The following SMG1 variants were observed in gnomAD, a reference collection of about 807,000 sequenced individuals.
The protein encoded by SMG1 is serine/threonine-protein kinase SMG1.
Under a neutral mutation model 419.9 loss-of-function variants are expected in SMG1, and 22 were observed. That is an observed-to-expected ratio of 0.05 (90% CI 0.04 to 0.07). The LOEUF (loss-of-function observed/expected upper bound fraction) is 0.07. Among genes scored for constraint, SMG1 ranks in the 10% least tolerant of loss-of-function variants. The pLI is 1.00. For synonymous variants in SMG1, 1,538 were observed against 1,553.5 expected (o/e 0.99, Z 0.23); for missense variants, 3,185 against 4,342.0 (o/e 0.73, Z 7.49).
chr16:18,891,135 T>A (rs532543848), intron 4 of SMG1, among the ~76,000 whole-genome samples: 1 of 152,322 alleles, frequency 6.6e-6, no homozygotes, highest in African/African-American at 2.4e-5. Context: ...AGAGCTGTGA[T>A]CATCAACAAA....
chr16:18,828,208 A>T (rs769722384), intron 54 of SMG1, 40 bp from the exon 55 acceptor site: 7 of 1,596,440 alleles, frequency 4.4e-6, no homozygotes, highest in East Asian at 2.2e-5. Context: ...TCAGCAGGAA[A>T]AAAGCGTTTA....
intron 6 of SMG1, among the ~76,000 whole-genome samples, chr16:18,886,284 A>C (rs2036607913): frequency 6.6e-6 from 1 of 152,198 alleles, no homozygotes; most frequent in Non-Finnish European, 1.5e-5. Flanking sequence ...TATTAAAATT[A>C]AAGAAGATCA....
At chr16:18,830,153 T>C (rs2033067221) in intron 52 of SMG1, 38 bp from the exon 53 acceptor site, 1 of 1,605,552 alleles carries the variant, frequency 6.2e-7, no homozygotes, top group Non-Finnish European at 8.5e-7. Flanking sequence ...ATTTCTCCAC[T>C]CTTGACACAA....
rs1185869358 is a variant in SMG1, at chr16:18,870,845, ACTGCTG to A, written c.2340_2345del (p.Ser781_Ser782del). The stretch of plus-strand genomic sequence containing the variant: ...GCAAGGAAGAGGACAGAGCATGTAG[ACTGCTG>A]CATGCCTGCAGACAGATATTCACAT... On this transcript the variant is annotated inframe_deletion, in exon 17 of 63. Transcript: ENST00000446231. The A allele has an allele frequency of 6.3e-7, 1 of 1,588,110 alleles. No individual in the cohort carries two copies. The highest frequency in any genetic ancestry group is 8.6e-7 in the Non-Finnish European group (1 of 1,166,824).
At chr16:18,862,463 C>T (rs544775960) in intron 25 of SMG1, among the ~76,000 whole-genome samples, 3 of 152,348 alleles carry the variant, frequency 2.0e-5, no homozygotes, top group African/African-American at 7.2e-5. Context: ...ATCTCTCAAG[C>T]TTAGACTTTC....
chr16:18,876,273 G>A lies in SMG1; in HGVS notation c.1741C>T (p.His581Tyr). The change falls in exon 13 of 63, where the codon CAC becomes TAC. Residue 581 changes from histidine (H) to tyrosine (Y), a missense_variant. Physicochemically the swap from His to Tyr is moderately conservative, Grantham distance 83. Around this residue, in one of 27 missense-constraint regions of SMG1, gnomAD observed 297 missense variants for 491.0 expected, o/e 0.60. Coordinates refer to ENST00000446231, the MANE Select transcript of SMG1 (RefSeq NM_015092.5). ...CAGGCCTCAGGAAGTTGTAGACTGT[G>A]TAGGAGGTTGTTTAGGGCACAAGTC... ...EMTCALNNLL[H>Y]SLQLPEACSE... 1.2e-6 allele frequency: 2 copies of A among 1,611,758 alleles called. No homozygotes were observed. Among genetic ancestry groups the A allele is most frequent in the Admixed American group, 1.7e-5 (1 of 60,018 alleles).
intron 9 of SMG1, among the ~76,000 whole-genome samples, chr16:18,883,287 G>C (rs1891864340): frequency 6.6e-6 from 1 of 152,224 alleles, no homozygotes; most frequent in Non-Finnish European, 1.5e-5. Flanking sequence ...AGAGGCTTCA[G>C]CAGCGCTCTT....
intron 33 of SMG1, among the ~76,000 whole-genome samples, chr16:18,851,355 C>A (rs541580115): frequency 1.3e-5 from 2 of 152,322 alleles, no homozygotes; most frequent in African/African-American, 4.8e-5. Context: ...CCATTTTCAA[C>A]ACTGGCTGCA....
At position 18,896,208 on chromosome 16, in the gene SMG1, C is replaced by T. The variant is rs1200317061; in HGVS notation, c.257-1G>A. On this transcript the variant is annotated splice_acceptor_variant, in intron 2 of 62. Transcript: ENST00000446231. LOFTEE classifies it high-confidence loss of function. ...GATCCTCCATTGACACTGTAGCCAC[C>T]TACAAACAGCAATGTGTACGTTATT... 7.4e-7 allele frequency: 1 copy of T among 1,359,862 alleles called. No individual in the cohort carries two copies. The highest frequency in any genetic ancestry group is 1.1e-6 in the Non-Finnish European group (1 of 950,912). The allele number at this position is 1,359,862 out of a possible 1,614,324, so 84.2% of individuals were successfully genotyped here.
intron 27 of SMG1, 114 bp from the exon 28 acceptor site, chr16:18,859,295 G>A (rs188161638): frequency 0.024 from 17,359 of 732,682 alleles, 302 homozygotes; most frequent in Non-Finnish European, 0.03. Flanking sequence ...GGGGCAGTAA[G>A]AGGAGCAGCC....
chr16:18,833,189 C>T (rs1435307341), intron 50 of SMG1, 23 bp from the exon 51 acceptor site: 3 of 1,594,944 alleles, frequency 1.9e-6, no homozygotes, highest in Admixed American at 3.4e-5. Context: ...GAGAAAAAAA[C>T]TTTTAATGTT....
chr16:18,836,544 G>A lies in SMG1; in HGVS notation c.7605-12C>T, dbSNP rs746326954. The A allele has an allele frequency of 6.2e-6, 10 of 1,609,638 alleles. No individual in the cohort carries two copies. In the African/African-American group the frequency reaches 6.7e-5, roughly 11 times the overall value. ...TGTGCTCAGAATACCTAATCAGGGG[G>A]ACACAAACAAAATCAAAAGATTTAT... On this transcript the variant is annotated splice_polypyrimidine_tract_variant and intron_variant, in intron 46 of 62. Coordinates refer to ENST00000446231, the MANE Select transcript of SMG1 (RefSeq NM_015092.5).
At chr16:18,849,872 T>C in intron 35 of SMG1, 77 bp downstream of exon 35, 10 of 1,408,428 alleles carry the variant, frequency 7.1e-6, no homozygotes, top group Non-Finnish European at 9.6e-6. Context: ...ATAATAAACA[T>C]AAGGAAACCA....
In SMG1 at chr16:18,869,890, A is replaced by G. The variant is rs774463189; in HGVS notation, c.2597T>C (p.Ile866Thr). ...TFHPQDFSDV[I>T]SFILYGNSHR... The stretch of plus-strand genomic sequence containing the variant: ...AGAGTTCCCATACAAAATAAAACTA[A>G]TAACATCAGAGAAATCTTGGGGGTG... The change falls in exon 19 of 63, where the codon ATT becomes ACT. Residue 866 changes from isoleucine to threonine, a missense_variant. Coordinates refer to ENST00000446231, the MANE Select transcript of SMG1 (RefSeq NM_015092.5). The G allele has an allele frequency of 1.3e-5, 20 of 1,573,812 alleles. No homozygotes were observed. The highest frequency in any genetic ancestry group is 1.4e-5 in the Non-Finnish European group (16 of 1,159,158).
At chr16:18,835,581 G>A (rs963722218) in intron 48 of SMG1, among the ~76,000 whole-genome samples, 7 of 152,170 alleles carry the variant, frequency 4.6e-5, no homozygotes, top group Admixed American at 2.6e-4. Context: ...GGTCAAGGCT[G>A]CAGAATACAA....
intron 60 of SMG1, among the ~76,000 whole-genome samples, chr16:18,814,473 T>C (rs2031797253): frequency 6.6e-6 from 1 of 151,546 alleles, no homozygotes; most frequent in Non-Finnish European, 1.5e-5. Flanking sequence ...CACTCCAGCC[T>C]GGGCGACAAG....
rs1056364807 is a variant in SMG1, at chr16:18,807,927, T to C, written c.*1642A>G. 6.6e-6 allele frequency: 1 copy of C among 151,988 alleles called. No individual in the cohort carries two copies. Among genetic ancestry groups the C allele is most frequent in the African/African-American group, 2.4e-5 (1 of 41,328 alleles). The allele number at this position is 151,988 out of a possible 1,614,324, so 9.4% of individuals were successfully genotyped here. A position where few individuals can be genotyped will look rare whatever the true frequency, so the allele number is the denominator to read the frequency against. On this transcript the variant is annotated 3_prime_UTR_variant, in exon 63 of 63. Transcript: ENST00000446231. ...GGCGCCCGCCACCACGCCCGGCTAA[T>C]TTTTTTTGTATTTTTAGTAAAGACG...
Position 18,808,414 on chromosome 16 carries a change from A to G in SMG1, c.*1155T>C, listed in dbSNP as rs2031051308. 6.6e-6 allele frequency: 1 copy of G among 152,216 alleles called. No individual in the cohort carries two copies. 9.4% of individuals were successfully genotyped at this position (152,216 alleles called of 1,614,324 possible). On this transcript the variant is annotated 3_prime_UTR_variant, in exon 63 of 63. Transcript: ENST00000446231. ...TTAAAAGTATCAAATGAAAAACATG[A>G]ATTAAAAAAATTTCAGTCTACCTCC...
Position 18,904,835 on chromosome 16 carries a change from TG to T in SMG1, c.93-7880del, listed in dbSNP as rs573239684. On this transcript the variant is annotated intron_variant, in intron 1 of 62. Coordinates refer to ENST00000446231, the MANE Select transcript of SMG1 (RefSeq NM_015092.5). ...CTGCAATCCCAGCTACTCAGGAGGC[TG>T]GGGCAGGAGAATCGCTTGAATCCGG... Among the ~76,000 whole-genome samples, 1,000 of 151,928 alleles carry T rather than the reference TG, an allele frequency of 6.6e-3. 16 individuals carry two copies. Among genetic ancestry groups the T allele is most frequent in the African/African-American group, 0.023 (963 of 41,406 alleles).
Sources: gnomAD v4.1 joint callset for allele counts (sites outside exome capture counted in the v4.1 genomes callset) on GRCh38, gnomAD v4.1.1 for gene constraint, gnomAD v4.1.1 regional missense constraint, MANE v1.5 for transcripts, NCBI Gene and HGNC (gene_info 2026-07-23, HGNC 2026-07-21) for gene names.